ASXL3: variants seen among roughly 807,000 people sequenced by gnomAD.
ASXL3 encodes the protein putative Polycomb group protein ASXL3.
Under a neutral mutation model 170.6 loss-of-function variants are expected in ASXL3, and 34 were observed. The observed-to-expected ratio is 0.20, with a 90% CI of 0.15 to 0.27. The LOEUF (loss-of-function observed/expected upper bound fraction) is 0.27. Among genes scored for constraint, ASXL3 ranks in the 10% least tolerant of loss-of-function variants. The pLI is 1.00. For missense variants in ASXL3, 2,592 were observed against 2,695.3 expected (o/e 0.96, Z 0.85); for synonymous variants, 1,002 against 989.1 (o/e 1.01, Z -0.24).
At chr18:33,633,930 CA>C (rs2145178063) in intron 2 of ASXL3, among the ~76,000 whole-genome samples, 1 of 148,788 alleles carries the variant, frequency 6.7e-6, no homozygotes, top group South Asian at 2.1e-4. Flanking sequence ...ATATTAAGAG[CA>C]AAAAATGTTT....
chr18:33,709,881 C>CT (rs923601151), intron 8 of ASXL3, among the ~76,000 whole-genome samples: 1 of 152,200 alleles, frequency 6.6e-6, no homozygotes, highest in South Asian at 2.1e-4. Flanking sequence ...TCTCCCCACT[C>CT]TGACCACTGC....
At chr18:33,609,838 C>G (rs1022800077) in intron 2 of ASXL3, among the ~76,000 whole-genome samples, 4 of 152,008 alleles carry the variant, frequency 2.6e-5, no homozygotes, top group African/African-American at 4.8e-5. Flanking sequence ...TTGAAGTTTT[C>G]TTCTGTAAAA....
In ASXL3 at chr18:33,738,822, T is replaced by A. The variant is rs375833448; in HGVS notation, c.1418T>A (p.Ile473Lys). The A allele has an allele frequency of 6.2e-7, 1 of 1,613,442 alleles. No homozygotes were observed. Among genetic ancestry groups the A allele is most frequent in the African/African-American group, 1.3e-5 (1 of 74,882 alleles). The change falls in exon 11 of 12, where the codon ATA becomes AAA. Residue 473 changes from isoleucine to lysine, a missense_variant. Around this residue, in one of 4 missense-constraint regions of ASXL3, gnomAD observed 2,246 missense variants for 2,219.6 expected, o/e 1.01. Coordinates refer to ENST00000269197, the MANE Select transcript of ASXL3 (RefSeq NM_030632.3). ...CECQDENHKT[I>K]PEFSEEAESL... ...TGCCAGGATGAAAATCATAAGACAATACCTGAATTTTCTGAGGAGGCTGAA... is the reference window on the plus strand; with the variant it reads ...TGCCAGGATGAAAATCATAAGACAAAACCTGAATTTTCTGAGGAGGCTGAA...
At chr18:33,717,709 G>A (rs975432277) in intron 8 of ASXL3, among the ~76,000 whole-genome samples, 1 of 152,022 alleles carries the variant, frequency 6.6e-6, no homozygotes, top group African/African-American at 2.4e-5. Context: ...GTTGGGAGAG[G>A]CTGGGCGTTG....
intron 8 of ASXL3, among the ~76,000 whole-genome samples, chr18:33,706,859 A>G (rs1046981036): frequency 1.3e-5 from 2 of 151,846 alleles, no homozygotes; most frequent in Non-Finnish European, 3.0e-5. Flanking sequence ...GTCTTAATAT[A>G]TTGTCTATTC....
chr18:33,579,542 C>A (rs2064975493), intron 1 of ASXL3, among the ~76,000 whole-genome samples: 1 of 152,124 alleles, frequency 6.6e-6, no homozygotes, highest in Admixed American at 6.6e-5. Flanking sequence ...TATAGAAATG[C>A]CGGTTGGCAG....
intron 2 of ASXL3, among the ~76,000 whole-genome samples, chr18:33,635,210 C>T (rs141562578): frequency 3.0e-4 from 45 of 152,266 alleles, no homozygotes; most frequent in African/African-American, 1.1e-3. Flanking sequence ...GTATTTTAAA[C>T]TCACTATCGC....
At chr18:33,714,293 G>A (rs2145357061) in intron 8 of ASXL3, among the ~76,000 whole-genome samples, 1 of 152,238 alleles carries the variant, frequency 6.6e-6, no homozygotes, top group East Asian at 1.9e-4. Context: ...TTTCAGCACA[G>A]CACGTTGCCA....
Position 33,744,214 on chromosome 18 carries a change from CCACCAGGGGGCTTTG to C in ASXL3, c.4373_4387del (p.Gly1458_Pro1462del), listed in dbSNP as rs773046858. The C allele has an allele frequency of 6.2e-7, 1 of 1,613,924 alleles. No individual in the cohort carries two copies. Among genetic ancestry groups the C allele is most frequent in the South Asian group, 1.1e-5 (1 of 91,086 alleles). Reference sequence around the variant, plus strand: ...AGATAATTCTGGAAAACCTCAGCAACCACCAGGGGGCTTTGCACCAGCAGCCATAAACCGATCAAT... The same window carrying C: ...AGATAATTCTGGAAAACCTCAGCAACCACCAGCAGCCATAAACCGATCAAT... On this transcript the variant is annotated inframe_deletion, in exon 12 of 12. Coordinates refer to ENST00000269197, the MANE Select transcript of ASXL3 (RefSeq NM_030632.3).
rs1037061634 is a variant in ASXL3, at chr18:33,751,107, A to C, written c.*4512A>C. ...AATGAAATGAAATGTTTGTCTCTTC[A>C]TGTTTCTCTGTCTTTCCCTTTCTCA... On this transcript the variant is annotated 3_prime_UTR_variant, in exon 12 of 12. Coordinates refer to ENST00000269197, the MANE Select transcript of ASXL3 (RefSeq NM_030632.3). 3.9e-5 allele frequency: 6 copies of C among 152,200 alleles called. No homozygotes were observed. The highest frequency in any genetic ancestry group is 8.8e-5 in the Non-Finnish European group (6 of 68,026). The allele number at this position is 152,200 out of a possible 1,614,324, so 9.4% of individuals were successfully genotyped here.
Position 33,578,600 on chromosome 18 carries a change from GTCA to G in ASXL3, c.-25_-23del. ...CCGAGCACCCCGTGGAATCCCCCAC[GTCA>G]TCATCAGAACCATCAATGAGATGCA... is the stretch of plus-strand genomic sequence containing the variant. On this transcript the variant is annotated 5_prime_UTR_variant, in exon 1 of 12. Transcript: ENST00000269197. 7.8e-7 allele frequency: 1 copy of G among 1,275,066 alleles called. No individual in the cohort carries two copies. The highest frequency in any genetic ancestry group is 1.9e-5 in the South Asian group (1 of 53,548). 79.0% of individuals were successfully genotyped at this position (1,275,066 alleles called of 1,614,324 possible). A position where few individuals can be genotyped will look rare whatever the true frequency, so the allele number is the denominator to read the frequency against.
chr18:33,697,839 C>T (rs78682556), intron 8 of ASXL3, among the ~76,000 whole-genome samples: 1 of 151,460 alleles, frequency 6.6e-6, no homozygotes, highest in African/African-American at 2.4e-5. Context: ...CTCTGTCTCT[C>T]AAAAAAATCA....
chr18:33,579,071 C>T (rs1041917129), intron 1 of ASXL3: 1 of 156,644 alleles, frequency 6.4e-6, no homozygotes, highest in African/African-American at 2.4e-5. Flanking sequence ...CCTCCACCCC[C>T]CGGAATTTCA....
rs114901015 is a variant in ASXL3, at chr18:33,635,311, T to C, written c.138-9583T>C. Among the ~76,000 whole-genome samples, 655 of 152,316 alleles carry C rather than the reference T, an allele frequency of 4.3e-3. 7 individuals carry two copies. Among genetic ancestry groups the C allele is most frequent in the African/African-American group, 0.015 (617 of 41,570 alleles). On this transcript the variant is annotated intron_variant, in intron 2 of 11. Transcript: ENST00000269197. ...CAAAATAAAACTAGGTAGAGACTTATTGGCTTATTTAACTTGGGCATCCAT... is the reference window on the plus strand; with the variant it reads ...CAAAATAAAACTAGGTAGAGACTTACTGGCTTATTTAACTTGGGCATCCAT...
chr18:33,673,528 G>A (rs2066379528), intron 7 of ASXL3, among the ~76,000 whole-genome samples: 1 of 151,916 alleles, frequency 6.6e-6, no homozygotes, highest in Non-Finnish European at 1.5e-5. Context: ...ACCATGCCCA[G>A]CTAATTTTTG....
intron 2 of ASXL3, among the ~76,000 whole-genome samples, chr18:33,623,322 C>T (rs1188541607): frequency 1.3e-5 from 2 of 152,120 alleles, no homozygotes; most frequent in Non-Finnish European, 2.9e-5. Context: ...TTGATCTTCT[C>T]TTCCCCATGG....
At chr18:33,736,503 C>T (rs1311160413) in intron 10 of ASXL3, among the ~76,000 whole-genome samples, 2 of 151,970 alleles carry the variant, frequency 1.3e-5, no homozygotes, top group African/African-American at 2.4e-5. Flanking sequence ...CTTTATTCCC[C>T]CACCACCAGC....
intron 8 of ASXL3, among the ~76,000 whole-genome samples, chr18:33,716,617 G>A (rs1330224169): frequency 1.2e-4 from 18 of 152,038 alleles, no homozygotes; most frequent in Non-Finnish European, 2.9e-5. Flanking sequence ...AATTTAGGTG[G>A]CATGTTTGGC....
At chr18:33,588,678 G>A (rs187147160) in intron 1 of ASXL3, among the ~76,000 whole-genome samples, 2 of 152,088 alleles carry the variant, frequency 1.3e-5, no homozygotes, top group Non-Finnish European at 2.9e-5. Flanking sequence ...GCAGACTCTA[G>A]GTCCCATGTC....
Sources: allele counts gnomAD v4.1 joint callset (sites outside exome capture counted in the v4.1 genomes callset), GRCh38; gene constraint gnomAD v4.1.1; regional missense constraint gnomAD v4.1.1; transcripts MANE v1.5; gene names NCBI Gene and HGNC (gene_info 2026-07-23, HGNC 2026-07-21).